SOX6: variants seen among roughly 807,000 people sequenced by gnomAD.
SOX6 encodes SRY-box transcription factor 6, also known as transcription factor SOX-6.
SOX6 carries 11 observed loss-of-function variants against 97.8 expected under a neutral mutation model. The ratio of observed to expected loss-of-function variants is 0.11; its 90% CI spans 0.07 to 0.19. SOX6 has a LOEUF of 0.19. Among genes scored for constraint, SOX6 ranks in the 10% least tolerant of loss-of-function variants. The probability of loss-of-function intolerance (pLI) is 1.00; values close to 1 mark genes in which losing one functional copy is unlikely to be tolerated. For synonymous variants in SOX6, 360 were observed against 371.4 expected (o/e 0.97, Z 0.35); for missense variants, 810 against 1,039.5 (o/e 0.78, Z 3.04).
intron 4 of SOX6, among the ~76,000 whole-genome samples, chr11:16,574,913 G>C (rs975907889): frequency 6.6e-6 from 1 of 151,856 alleles, no homozygotes; most frequent in Non-Finnish European, 1.5e-5. Flanking sequence ...GGTGGCACAC[G>C]CCTGTAATCT....
At chr11:16,142,382 T>C (rs896018608) in intron 6 of SOX6, among the ~76,000 whole-genome samples, 2 of 152,018 alleles carry the variant, frequency 1.3e-5, no homozygotes, top group Non-Finnish European at 1.5e-5. Context: ...CAAAGGTAGA[T>C]AAAACCACAA....
At chr11:16,134,642 T>C (rs761238320) in intron 6 of SOX6, among the ~76,000 whole-genome samples, 5 of 152,180 alleles carry the variant, frequency 3.3e-5, no homozygotes, top group Non-Finnish European at 7.3e-5. Context: ...ATATCTGTTG[T>C]AGTGATCTGT....
At chr11:16,223,213 T>C (rs1852593818) in intron 4 of SOX6, among the ~76,000 whole-genome samples, 1 of 152,156 alleles carries the variant, frequency 6.6e-6, no homozygotes, top group Non-Finnish European at 1.5e-5. Flanking sequence ...ACAGAGATGC[T>C]GGGCTAAAAG....
chr11:16,138,544 T>C (rs1590221385), intron 6 of SOX6, among the ~76,000 whole-genome samples: 1 of 150,948 alleles, frequency 6.6e-6, no homozygotes, highest in East Asian at 1.9e-4. Flanking sequence ...TATTTTTTTA[T>C]TTTTTTTATT....
chr11:16,527,212 G>T (rs368642942), intron 4 of SOX6, among the ~76,000 whole-genome samples: 60 of 152,086 alleles, frequency 3.9e-4, no homozygotes, highest in African/African-American at 1.4e-3. Flanking sequence ...AAAGAAAAGG[G>T]TCACTGCCAC....
At chr11:16,309,633 A>T (rs961191828) in intron 3 of SOX6, among the ~76,000 whole-genome samples, 5 of 152,160 alleles carry the variant, frequency 3.3e-5, no homozygotes, top group African/African-American at 1.2e-4. Context: ...TGCTGAGTTC[A>T]CAAGTGTTTG....
chr11:16,136,925 G>A (rs1849981132), intron 6 of SOX6, among the ~76,000 whole-genome samples: 1 of 152,130 alleles, frequency 6.6e-6, no homozygotes, highest in Admixed American at 6.5e-5. Flanking sequence ...GTTTTACTTT[G>A]CCTGTTGTAA....
At chr11:16,624,982 A>G (rs1442404221) in intron 3 of SOX6, among the ~76,000 whole-genome samples, 1 of 152,060 alleles carries the variant, frequency 6.6e-6, no homozygotes, top group African/African-American at 2.4e-5. Flanking sequence ...TTGATTGTCT[A>G]ATTTTATTGA....
At chr11:16,484,691 C>T in intron 4 of SOX6, 1 of 604,798 alleles carries the variant, frequency 1.7e-6, no homozygotes, top group Non-Finnish European at 3.0e-6. Flanking sequence ...GCTCCCCAGA[C>T]TCCCACCCAG....
intron 6 of SOX6, among the ~76,000 whole-genome samples, chr11:16,182,292 C>T (rs1851366320): frequency 1.3e-5 from 2 of 151,748 alleles, no homozygotes; most frequent in African/African-American, 4.8e-5. Flanking sequence ...CAATAATTAA[C>T]TGATATAAGA....
chr11:16,535,886 G>A (rs1445422350), intron 4 of SOX6, among the ~76,000 whole-genome samples: 1 of 152,112 alleles, frequency 6.6e-6, no homozygotes, highest in Non-Finnish European at 1.5e-5. Context: ...CCTGAAAAAG[G>A]CACTGTGAGT....
chr11:16,287,828 C>A (rs1303255766), intron 3 of SOX6, among the ~76,000 whole-genome samples: 1 of 152,126 alleles, frequency 6.6e-6, no homozygotes, highest in East Asian at 1.9e-4. Flanking sequence ...CACTGGGAAG[C>A]TTTGTTGGGC....
At chr11:16,417,968 G>A (rs746019291) in intron 1 of SOX6, among the ~76,000 whole-genome samples, 61 of 152,156 alleles carry the variant, frequency 4.0e-4, no homozygotes, top group Middle Eastern at 3.4e-3. Flanking sequence ...TATTCCTGAT[G>A]CTACAGCTTT....
intron 7 of SOX6, among the ~76,000 whole-genome samples, chr11:16,106,347 T>G (rs1369652618): frequency 6.6e-6 from 1 of 151,598 alleles, no homozygotes; most frequent in African/African-American, 2.4e-5. Flanking sequence ...AGGAGACATA[T>G]ATATATATAT....
chr11:16,648,847 A>C (rs10832665), intron 3 of SOX6, among the ~76,000 whole-genome samples: 68,822 of 151,920 alleles, frequency 0.45, 16,626 homozygotes, highest in East Asian at 0.85. Flanking sequence ...AGGTGAAAAC[A>C]AACTTAAAAA....
At chr11:16,661,608 C>T (rs983501251) in intron 3 of SOX6, among the ~76,000 whole-genome samples, 1 of 151,950 alleles carries the variant, frequency 6.6e-6, no homozygotes, top group Non-Finnish European at 1.5e-5. Flanking sequence ...AGTACAGTGG[C>T]GGGGGCATAG....
At chr11:15,975,628 C>T (rs1000412541) in intron 15 of SOX6, among the ~76,000 whole-genome samples, 1 of 152,138 alleles carries the variant, frequency 6.6e-6, no homozygotes, top group Non-Finnish European at 1.5e-5. Flanking sequence ...TTTACATTAT[C>T]TTCTTGAATC....
intron 1 of SOX6, among the ~76,000 whole-genome samples, chr11:16,394,521 T>C (rs557880659): frequency 3.3e-5 from 5 of 152,032 alleles, no homozygotes; most frequent in Admixed American, 6.6e-5. Context: ...AATATAAGTA[T>C]ATTCTGACAT....
chr11:16,213,665 T>C (rs1266305211), intron 4 of SOX6, among the ~76,000 whole-genome samples: 1 of 152,180 alleles, frequency 6.6e-6, no homozygotes, highest in Admixed American at 6.5e-5. Context: ...GATTTTAATA[T>C]AATTTCAGCA....
Sources: allele counts gnomAD v4.1 joint callset (sites outside exome capture counted in the v4.1 genomes callset), GRCh38; gene constraint gnomAD v4.1.1; transcripts MANE v1.5; gene names NCBI Gene and HGNC (gene_info 2026-07-23, HGNC 2026-07-21).